The following FGF9 variants were observed in gnomAD, a reference collection of about 807,000 sequenced individuals.
FGF9 encodes fibroblast growth factor 9 (glia-activating factor).
In FGF9, 3 loss-of-function variants were observed where a neutral mutation model predicts 19.9. The ratio of observed to expected loss-of-function variants is 0.15; its 90% confidence interval spans 0.07 to 0.39. The LOEUF (loss-of-function observed/expected upper bound fraction) is 0.39. Among genes scored for constraint, FGF9 ranks in the 10% least tolerant of loss-of-function variants. The pLI is 1.00. For missense variants in FGF9, 175 were observed against 256.8 expected, an observed-to-expected ratio of 0.68 and a Z score of 2.18; for synonymous variants, 107 against 106.9, an observed-to-expected ratio of 1.00 and a Z score of -0.01.
intron 2 of FGF9, among the ~76,000 whole-genome samples, chr13:21,690,138 GGCTCAAATTGGAA>G (rs1872252085): frequency 1.3e-5 from 2 of 152,088 alleles, no homozygotes; most frequent in Admixed American, 1.3e-4. Context: ...TTCAGAATAG[GGCTCAAATTGGAA>G]GCTCTCTGTA....
intron 2 of FGF9, among the ~76,000 whole-genome samples, chr13:21,689,236 G>C (rs1378943457): frequency 6.6e-6 from 1 of 152,174 alleles, no homozygotes; most frequent in African/African-American, 2.4e-5. Context: ...TGAGAAGCCT[G>C]ATAAGAGAGC....
Position 21,672,199 on chromosome 13 carries a change from C to A in FGF9, c.277+10C>A. On this transcript the variant is annotated intron_variant, in intron 1 of 2. Coordinates refer to ENST00000382353, the MANE Select transcript of FGF9 (RefSeq NM_002010.3). The surrounding 1 kb of genome is among the most constrained non-coding windows in gnomAD (Gnocchi z 4.2). ...GACCACAGCCGATTTGGTAGGTATA[C>A]CATTAACCCTTTAGTGTCCATGAGA... 6.2e-7 allele frequency: 1 copy of A among 1,614,056 alleles called. No individual in the cohort carries two copies. Among genetic ancestry groups the A allele is most frequent in the Non-Finnish European group, 8.5e-7 (1 of 1,179,914 alleles).
In FGF9 at chr13:21,681,123, A is replaced by G; in HGVS notation, c.359A>G (p.Glu120Gly). 1 of 1,613,460 alleles carries G rather than the reference A, an allele frequency of 6.2e-7. No homozygotes were observed. Among genetic ancestry groups the G allele is most frequent in the Non-Finnish European group, 8.5e-7 (1 of 1,179,454 alleles). The change falls in exon 2 of 3, where the codon GAG (glutamate) becomes GGG (glycine). Residue 120 changes from glutamate to glycine, a missense_variant. Physicochemically the swap from Glu to Gly is moderately conservative, Grantham distance 98 (BLOSUM62 -2). Transcript: ENST00000382353. ...VDSGLYLGMN[E>G]KGELYGSEKL... The stretch of plus-strand genomic sequence containing the variant: ...AGTGGACTCTACCTCGGGATGAATG[A>G]GAAGGGGGAGCTGTATGGATCAGTA...
At chr13:21,678,138 C>A (rs1374171891) in intron 1 of FGF9, among the ~76,000 whole-genome samples, 1 of 152,128 alleles carries the variant, frequency 6.6e-6, no homozygotes, top group Admixed American at 6.5e-5. Flanking sequence ...TTATAATAAA[C>A]CCTCAATAAT....
intron 2 of FGF9, among the ~76,000 whole-genome samples, chr13:21,694,598 A>G (rs941687647): frequency 1.3e-5 from 2 of 152,160 alleles, no homozygotes; most frequent in Admixed American, 6.5e-5. Flanking sequence ...CAGCTTTTGC[A>G]TATCTTTGAT....
At chr13:21,699,595 T>C (rs1872492253) in intron 2 of FGF9, among the ~76,000 whole-genome samples, 1 of 152,134 alleles carries the variant, frequency 6.6e-6, no homozygotes, top group South Asian at 2.1e-4. Context: ...TCTCCTTTGC[T>C]CTCCTGACTT....
chr13:21,690,956 A>T (rs1872277046), intron 2 of FGF9, among the ~76,000 whole-genome samples: 2 of 152,212 alleles, frequency 1.3e-5, no homozygotes, highest in Non-Finnish European at 2.9e-5. Context: ...TGTGAGTTTG[A>T]TGTTAATTAA....
intron 2 of FGF9, among the ~76,000 whole-genome samples, chr13:21,696,099 G>A (rs908617999): frequency 1.3e-5 from 2 of 152,114 alleles, no homozygotes; most frequent in East Asian, 3.8e-4. Context: ...TTGCCCATGT[G>A]GATTACACTT....
intron 2 of FGF9, among the ~76,000 whole-genome samples, chr13:21,685,574 C>T (rs908147958): frequency 5.9e-5 from 9 of 152,154 alleles, no homozygotes; most frequent in Non-Finnish European, 1.2e-4. Context: ...ATTGTATTCA[C>T]GTGATAATTT....
intron 2 of FGF9, among the ~76,000 whole-genome samples, chr13:21,692,516 T>C (rs959783583): frequency 2.6e-5 from 4 of 152,208 alleles, no homozygotes; most frequent in African/African-American, 9.7e-5. Context: ...TGTCACTCAC[T>C]GGCCCTGCAG....
intron 2 of FGF9, among the ~76,000 whole-genome samples, chr13:21,688,822 G>T (rs1872220084): frequency 6.7e-6 from 1 of 148,780 alleles, no homozygotes; most frequent in African/African-American, 2.5e-5. Context: ...CATCTATACT[G>T]CTGGCCATTA....
intron 1 of FGF9, among the ~76,000 whole-genome samples, chr13:21,679,043 C>T (rs752352326): frequency 7.2e-5 from 11 of 152,170 alleles, no homozygotes; most frequent in Non-Finnish European, 1.5e-4. Context: ...AAATGAATCT[C>T]ATGGAAATAT....
At chr13:21,696,700 C>T (rs1221475929) in intron 2 of FGF9, among the ~76,000 whole-genome samples, 1 of 152,082 alleles carries the variant, frequency 6.6e-6, no homozygotes, top group Non-Finnish European at 1.5e-5. Context: ...CATTCATTTA[C>T]TTATTTTTTA....
intron 2 of FGF9, among the ~76,000 whole-genome samples, chr13:21,696,332 C>T (rs535943483): frequency 7.2e-5 from 11 of 152,194 alleles, no homozygotes; most frequent in Non-Finnish European, 1.3e-4. Context: ...TAACATTCAC[C>T]AGATTTTGTT....
At position 21,694,085 on chromosome 13, in the gene FGF9, C is replaced by A. The variant is rs540889827; in HGVS notation, c.382-7105C>A. 3.3e-5 allele frequency among the ~76,000 whole-genome samples: 5 copies of A among 152,202 alleles called. No homozygotes were observed. In the South Asian group the frequency reaches 1.0e-3, roughly 32 times the overall value. On this transcript the variant is annotated intron_variant, in intron 2 of 2. Coordinates refer to ENST00000382353, the MANE Select transcript of FGF9 (RefSeq NM_002010.3). ...CACTAGAATCTTAGGCTTACAGGGA[C>A]CTTAGACATCTTAGTGCAATTTTTT...
chr13:21,693,624 T>C (rs17070556), intron 2 of FGF9, among the ~76,000 whole-genome samples: 1,731 of 152,248 alleles, frequency 0.011, 31 homozygotes, highest in African/African-American at 0.04. Flanking sequence ...CAGTTCATGA[T>C]GTAGGGTTTA....
intron 2 of FGF9, among the ~76,000 whole-genome samples, chr13:21,698,479 T>C (rs1872466478): frequency 6.6e-6 from 1 of 152,204 alleles, no homozygotes; most frequent in South Asian, 2.1e-4. Context: ...TAACCTGTTG[T>C]AAAGATGAGG....
At chr13:21,694,940 T>C (rs1212096354) in intron 2 of FGF9, among the ~76,000 whole-genome samples, 1 of 152,214 alleles carries the variant, frequency 6.6e-6, no homozygotes, top group African/African-American at 2.4e-5. Context: ...AACATTCATT[T>C]TTATAGGCAG....
At position 21,701,456 on chromosome 13, in the gene FGF9, G is replaced by A. The variant is rs1872541502; in HGVS notation, c.*21G>A. 1 of 1,613,938 alleles carries A rather than the reference G, an allele frequency of 6.2e-7. No individual in the cohort carries two copies. The highest frequency in any genetic ancestry group is 1.1e-5 in the South Asian group (1 of 91,048). ...GTTGACAAAGACAGTTTCTTCACTT[G>A]AGCCCTTAAAAAAGTAACCACTATA... On this transcript the variant is annotated 3_prime_UTR_variant, in exon 3 of 3. Coordinates refer to ENST00000382353, the MANE Select transcript of FGF9 (RefSeq NM_002010.3).
Sources: gnomAD v4.1 joint callset for allele counts (sites outside exome capture counted in the v4.1 genomes callset) on GRCh38, gnomAD v4.1.1 for gene constraint, Gnocchi (gnomAD v3.1) non-coding constraint, MANE v1.5 for transcripts, NCBI Gene and HGNC (gene_info 2026-07-23, HGNC 2026-07-21) for gene names.